Variants in OPN3 observed in about 807,000 individuals in gnomAD.
The protein encoded by OPN3 is opsin-3.
A neutral mutation model predicts 33.8 loss-of-function variants in OPN3; 29 were observed. That is an observed-to-expected ratio of 0.86 (90% confidence interval 0.64 to 1.17). OPN3 has a LOEUF of 1.17. Among genes scored for constraint, OPN3 ranks in the 50% most tolerant of loss-of-function variants. OPN3 has a pLI of 0.00. For missense variants in OPN3, 437 were observed against 514.1 expected (o/e 0.85, Z 1.45); for synonymous variants, 216 against 216.1 (o/e 1.00, Z 0.00).
chr1:241,608,857 G>A (rs528069431), intron 1 of OPN3, among the ~76,000 whole-genome samples: 1 of 152,286 alleles, frequency 6.6e-6, no homozygotes, highest in South Asian at 2.1e-4. Flanking sequence ...ATATAACTGA[G>A]TGGCAGCATG....
chr1:241,613,753 T>C (rs1664054878), intron 1 of OPN3, among the ~76,000 whole-genome samples: 1 of 152,206 alleles, frequency 6.6e-6, no homozygotes, highest in African/African-American at 2.4e-5. Context: ...CATCAGGATG[T>C]GGAAACTGCA....
chr1:241,601,724 A>AAAAC (rs368268919), intron 2 of OPN3, among the ~76,000 whole-genome samples: 1 of 152,092 alleles, frequency 6.6e-6, no homozygotes, highest in Non-Finnish European at 1.5e-5. Flanking sequence ...AAAACAAAAC[A>AAAAC]AAACAAACAA....
chr1:241,603,879 A>G (rs1042409452), intron 2 of OPN3, among the ~76,000 whole-genome samples: 1 of 152,224 alleles, frequency 6.6e-6, no homozygotes, highest in Non-Finnish European at 1.5e-5. Context: ...CAAACAAAAC[A>G]TCTGTGCTGT....
In OPN3 at chr1:241,593,305, C is replaced by T; in HGVS notation, c.*1123G>A. On this transcript the variant is annotated 3_prime_UTR_variant, in exon 4 of 4. Transcript: ENST00000366554. ...ATACTGCAGCAGAACCAGCAATACA[C>T]TTGATTTTTAAAAGCACATTTAGTG... 2.5e-6 allele frequency: 1 copy of T among 402,848 alleles called. No individual in the cohort carries two copies. Among genetic ancestry groups the T allele is most frequent in the Non-Finnish European group, 5.6e-6 (1 of 179,980 alleles). The allele number at this position is 402,848 out of a possible 1,614,324, so 25.0% of individuals were successfully genotyped here.
chr1:241,598,067 C>G (rs1663585199), intron 2 of OPN3, 70 bp from the exon 3 acceptor site: 1 of 1,505,806 alleles, frequency 6.6e-7, no homozygotes, highest in African/African-American at 1.4e-5. Flanking sequence ...GTTTTTATAA[C>G]AGATATTCAG....
intron 2 of OPN3, chr1:241,600,698 T>A (rs1663656298): frequency 6.6e-6 from 1 of 152,146 alleles, no homozygotes. Context: ...GAGCTCTCTG[T>A]TTAGATAGCA....
chr1:241,603,107 A>T (rs939664102), intron 2 of OPN3, among the ~76,000 whole-genome samples: 7 of 152,034 alleles, frequency 4.6e-5, no homozygotes, highest in Non-Finnish European at 8.8e-5. Flanking sequence ...GGGAAAGAGA[A>T]AATTATTAAG....
At chr1:241,603,994 T>A (rs896918386) in intron 2 of OPN3, among the ~76,000 whole-genome samples, 1 of 152,168 alleles carries the variant, frequency 6.6e-6, no homozygotes, top group Admixed American at 6.5e-5. Flanking sequence ...AATGTAGGGT[T>A]TTTTGGTTGC....
At chr1:241,635,384 G>C (rs1558448172) in intron 1 of OPN3, 1 of 1,614,026 alleles carries the variant, frequency 6.2e-7, no homozygotes, top group Non-Finnish European at 8.5e-7. Flanking sequence ...GAAGGTATTA[G>C]ACACCCCCAA....
chr1:241,635,786 T>C, intron 1 of OPN3: 2 of 1,592,130 alleles, frequency 1.3e-6, no homozygotes, highest in South Asian at 1.1e-5. Flanking sequence ...TAACAGCGTC[T>C]GGTGACAACT....
chr1:241,625,629 G>A (rs1223931648), intron 1 of OPN3, among the ~76,000 whole-genome samples: 1 of 152,118 alleles, frequency 6.6e-6, no homozygotes, highest in African/African-American at 2.4e-5. Context: ...ACCACCAGAA[G>A]GAAGCCACTG....
chr1:241,603,902 T>G (rs147792088), intron 2 of OPN3, among the ~76,000 whole-genome samples: 327 of 152,342 alleles, frequency 2.1e-3, no homozygotes, highest in African/African-American at 7.5e-3. Flanking sequence ...TCTAGTCAAA[T>G]TCATATGACC....
chr1:241,640,142 G>A lies in OPN3; in HGVS notation c.113C>T (p.Pro38Leu). The A allele has an allele frequency of 6.4e-7, 1 of 1,566,398 alleles. No individual in the cohort carries two copies. The highest frequency in any genetic ancestry group is 8.6e-7 in the Non-Finnish European group (1 of 1,159,066). Residue 38 changes from proline to leucine, a missense_variant, in exon 1 of 4, where the codon CCC becomes CTC. Physicochemically the swap from Pro to Leu is moderately conservative, Grantham distance 98. Coordinates refer to ENST00000366554, the MANE Select transcript of OPN3 (RefSeq NM_014322.3). ...GTLSPAPLFS[P>L]GTYERLALLL... Reference sequence around the variant, plus strand: ...CAGCGCCAGGCGCTCGTAGGTGCCGGGGCTGAAGAGGGGCGCGGGGCTCAG... The same window carrying A: ...CAGCGCCAGGCGCTCGTAGGTGCCGAGGCTGAAGAGGGGCGCGGGGCTCAG...
chr1:241,634,275 T>C (rs776169905), intron 1 of OPN3: 2 of 1,613,866 alleles, frequency 1.2e-6, no homozygotes, highest in African/African-American at 1.3e-5. Context: ...CATGTCATGG[T>C]TGAAGAACAT....
At chr1:241,616,666 C>A (rs993680697) in intron 1 of OPN3, among the ~76,000 whole-genome samples, 5 of 151,988 alleles carry the variant, frequency 3.3e-5, no homozygotes, top group Non-Finnish European at 5.9e-5. Context: ...GACCATGTTT[C>A]TTTCCAAATA....
chr1:241,624,795 T>C (rs116274976), intron 1 of OPN3, among the ~76,000 whole-genome samples: 1,744 of 152,290 alleles, frequency 0.011, 39 homozygotes, highest in Admixed American at 0.042. Context: ...CATCTCACTA[T>C]AGCATGTGCA....
intron 2 of OPN3, 60 bp from the exon 3 acceptor site, chr1:241,598,057 GT>G: frequency 1.9e-6 from 3 of 1,553,288 alleles, no homozygotes; most frequent in Middle Eastern, 1.8e-4. Context: ...TTCTTTTGTT[GT>G]TTTTATAACA....
chr1:241,615,955 T>C (rs1664113468), intron 1 of OPN3: 1 of 456,572 alleles, frequency 2.2e-6, no homozygotes, highest in Non-Finnish European at 4.4e-6. Flanking sequence ...AAACGGACAT[T>C]AACATCTCAT....
chr1:241,634,294 G>C (rs778999435), intron 1 of OPN3: 8 of 1,613,784 alleles, frequency 5.0e-6, no homozygotes, highest in East Asian at 4.5e-5. Flanking sequence ...ATAATTCTGT[G>C]ACCCGTACAG....
Sources: allele counts gnomAD v4.1 joint callset (sites outside exome capture counted in the v4.1 genomes callset), GRCh38; gene constraint gnomAD v4.1.1; transcripts MANE v1.5; gene names NCBI Gene and HGNC (gene_info 2026-07-23, HGNC 2026-07-21).